Variants in PATJ observed in about 807,000 individuals in gnomAD.
The protein encoded by PATJ is PATJ crumbs cell polarity complex component.
PATJ carries 190 observed loss-of-function variants against 224.9 expected under a neutral mutation model. The ratio of observed to expected loss-of-function variants is 0.84; its 90% confidence interval spans 0.75 to 0.95. The LOEUF is 0.95. Among genes scored for constraint, PATJ ranks in the 40% least tolerant of loss-of-function variants. The pLI is 0.00. For synonymous variants in PATJ, 769 were observed against 820.3 expected (o/e 0.94, Z 1.07); for missense variants, 2,121 against 2,270.3 (o/e 0.93, Z 1.34).
intron 27 of PATJ, among the ~76,000 whole-genome samples, chr1:61,944,197 A>G (rs1045637151): frequency 9.9e-5 from 15 of 152,230 alleles, no homozygotes; most frequent in African/African-American, 3.1e-4. Context: ...CTCACCAGCA[A>G]CGGAACAAAG....
At chr1:62,144,777 A>AAAATATATATATATATATATATATATAT (rs377489788) in intron 41 of PATJ, among the ~76,000 whole-genome samples, 5 of 119,092 alleles carry the variant, frequency 4.2e-5, no homozygotes, top group Non-Finnish European at 5.0e-5. Context: ...AAAAAAAAAA[A>AAAATATATATATATATATATATATATAT]ATATATATAT....
chr1:61,805,358 G>A, intron 12 of PATJ, 90 bp from the exon 13 acceptor site: 3 of 766,030 alleles, frequency 3.9e-6, no homozygotes, highest in Non-Finnish European at 6.8e-6. Context: ...CTGAAACTGG[G>A]CTGTTATTGA....
intron 26 of PATJ, among the ~76,000 whole-genome samples, chr1:61,924,112 T>C (rs1270321319): frequency 6.6e-6 from 1 of 152,066 alleles, no homozygotes; most frequent in Admixed American, 6.6e-5. Flanking sequence ...AGCTCATGCC[T>C]GTAATCCCAG....
chr1:61,871,086 T>G (rs900328904), intron 20 of PATJ, among the ~76,000 whole-genome samples: 1 of 149,714 alleles, frequency 6.7e-6, no homozygotes, highest in African/African-American at 2.4e-5. Flanking sequence ...TTTGTTTTTT[T>G]TTTTTTGCCT....
intron 14 of PATJ, among the ~76,000 whole-genome samples, chr1:61,813,350 T>C (rs549616785): frequency 7.4e-5 from 3 of 40,738 alleles, no homozygotes; most frequent in African/African-American, 3.0e-4. Flanking sequence ...TATATATATA[T>C]ATATATATAT....
At chr1:61,867,373 T>G (rs915597219) in intron 20 of PATJ, among the ~76,000 whole-genome samples, 1 of 152,196 alleles carries the variant, frequency 6.6e-6, no homozygotes, top group African/African-American at 2.4e-5. Flanking sequence ...TTATTTCTCA[T>G]TACTGATTCA....
At chr1:62,154,033 C>T (rs60857985) in intron 43 of PATJ, among the ~76,000 whole-genome samples, 5 of 152,076 alleles carry the variant, frequency 3.3e-5, no homozygotes, top group Non-Finnish European at 7.4e-5. Flanking sequence ...GTAGCTAGGA[C>T]TACAGGCGCA....
At chr1:61,938,844 A>G (rs1677298470) in intron 27 of PATJ, among the ~76,000 whole-genome samples, 1 of 152,190 alleles carries the variant, frequency 6.6e-6, no homozygotes, top group Non-Finnish European at 1.5e-5. Context: ...AGATGATTCA[A>G]TAAATGATCG....
chr1:61,947,508 G>A (rs1179031279), intron 27 of PATJ, among the ~76,000 whole-genome samples: 1 of 152,066 alleles, frequency 6.6e-6, no homozygotes, highest in Non-Finnish European at 1.5e-5. Context: ...AACTTACAAG[G>A]GATGTGAAGG....
intron 28 of PATJ, among the ~76,000 whole-genome samples, chr1:61,997,636 A>G (rs1231979578): frequency 6.6e-6 from 1 of 152,108 alleles, no homozygotes; most frequent in Non-Finnish European, 1.5e-5. Flanking sequence ...CTAGAAGGTA[A>G]TAAGTGAATT....
intron 35 of PATJ, chr1:62,114,805 C>G (rs1238183854): frequency 6.5e-6 from 1 of 153,286 alleles, no homozygotes; most frequent in East Asian, 1.9e-4. Flanking sequence ...GTGGGAAGAT[C>G]ACTTGAGGCC....
chr1:61,845,880 C>T (rs991591767), intron 17 of PATJ, among the ~76,000 whole-genome samples: 1 of 152,174 alleles, frequency 6.6e-6, no homozygotes, highest in Non-Finnish European at 1.5e-5. Context: ...TTTCTTTATG[C>T]ATTCAAGAGG....
At chr1:61,935,060 A>G (rs1676640510) in intron 27 of PATJ, among the ~76,000 whole-genome samples, 2 of 152,328 alleles carry the variant, frequency 1.3e-5, no homozygotes, top group South Asian at 4.1e-4. Flanking sequence ...ATGCTTTTAC[A>G]ACAGCCAGGT....
At position 61,787,834 on chromosome 1, in the gene PATJ, A is replaced by T. The variant is rs1480428237; in HGVS notation, c.930A>T (p.Ala310=). The stretch of plus-strand genomic sequence containing the variant: ...AGGGAATGACCAGTGAGCAAGTTGC[A>T]CAAGTTCTAAGGAACTGTGGGAATT... ...NVQGMTSEQV[A]QVLRNCGNSV... Residue 310 remains alanine, a synonymous_variant, in exon 8 of 44, where the codon GCA becomes GCT. Coordinates refer to ENST00000642238, the MANE Select transcript of PATJ (RefSeq NM_001350145.3). 1.2e-6 allele frequency: 2 copies of T among 1,614,082 alleles called. No individual in the cohort carries two copies. The highest frequency in any genetic ancestry group is 1.7e-6 in the Non-Finnish European group (2 of 1,180,020).
intron 33 of PATJ, among the ~76,000 whole-genome samples, chr1:62,098,126 G>A (rs761113332): frequency 2.6e-5 from 4 of 152,100 alleles, no homozygotes; most frequent in Non-Finnish European, 5.9e-5. Context: ...TTAGGAGGCC[G>A]AGGCAGGTGG....
At chr1:61,767,694 T>C (rs1646362414) in intron 4 of PATJ, among the ~76,000 whole-genome samples, 1 of 149,990 alleles carries the variant, frequency 6.7e-6, no homozygotes, top group African/African-American at 2.5e-5. Flanking sequence ...TTTTTTTTTT[T>C]GAGATGAAGT....
intron 32 of PATJ, among the ~76,000 whole-genome samples, chr1:62,080,100 C>T (rs530416170): frequency 3.0e-4 from 45 of 151,502 alleles, no homozygotes; most frequent in African/African-American, 1.1e-3. Flanking sequence ...TATTATTCTT[C>T]TCTAATCTCT....
intron 27 of PATJ, among the ~76,000 whole-genome samples, chr1:61,974,871 G>A (rs1557973045): frequency 6.6e-6 from 1 of 152,030 alleles, no homozygotes; most frequent in Non-Finnish European, 1.5e-5. Flanking sequence ...GTCCTTGATT[G>A]TGAAGGTTCT....
At chr1:61,965,667 G>A (rs1187887579) in intron 27 of PATJ, among the ~76,000 whole-genome samples, 1 of 152,154 alleles carries the variant, frequency 6.6e-6, no homozygotes, top group Non-Finnish European at 1.5e-5. Flanking sequence ...TACAGAGAAG[G>A]CATAGCACCC....
Sources: allele counts gnomAD v4.1 joint callset (sites outside exome capture counted in the v4.1 genomes callset), GRCh38; gene constraint gnomAD v4.1.1; transcripts MANE v1.5; gene names NCBI Gene and HGNC (gene_info 2026-07-23, HGNC 2026-07-21).